RBFOX1: variants seen among roughly 807,000 people sequenced by gnomAD.
RBFOX1 encodes RNA binding fox-1 homolog 1.
A neutral mutation model predicts 57.7 loss-of-function variants in RBFOX1; 8 were observed. The observed-to-expected ratio is 0.14, with a 90% CI of 0.08 to 0.25. The LOEUF (loss-of-function observed/expected upper bound fraction) is 0.25, where lower values mean the gene tolerates loss of function less well. Ranked by LOEUF, RBFOX1 falls within the 10% of genes least tolerant of loss-of-function variation. RBFOX1 has a pLI of 1.00. For synonymous variants in RBFOX1, 326 were observed against 222.4 expected (o/e 1.47, Z -4.15); for missense variants, 611 against 548.5 (o/e 1.11, Z -1.14).
chr16:7,175,746 A>AT (rs1161132135), intron 4 of RBFOX1, among the ~76,000 whole-genome samples: 14 of 152,190 alleles, frequency 9.2e-5, no homozygotes, highest in Admixed American at 3.9e-4. Context: ...TATTTCTTTC[A>AT]TTTTTTTGAT....
At chr16:6,788,540 A>G (rs900560391) in intron 3 of RBFOX1, among the ~76,000 whole-genome samples, 14 of 151,554 alleles carry the variant, frequency 9.2e-5, no homozygotes, top group Non-Finnish European at 1.6e-4. Context: ...CAGTGGCGTG[A>G]TCTCGGCTCA....
chr16:6,629,076 A>G (rs1043429054), intron 2 of RBFOX1, among the ~76,000 whole-genome samples: 1 of 152,204 alleles, frequency 6.6e-6, no homozygotes, highest in Admixed American at 6.5e-5. Context: ...TGATTCCATG[A>G]ACAGTTTAAA....
At chr16:6,907,272 C>T (rs776886971) in intron 3 of RBFOX1, among the ~76,000 whole-genome samples, 1 of 152,142 alleles carries the variant, frequency 6.6e-6, no homozygotes, top group Non-Finnish European at 1.5e-5. Flanking sequence ...GTAGTGCTGA[C>T]AGTGAGAGTC....
chr16:6,737,459 A>G (rs969454946), intron 3 of RBFOX1, among the ~76,000 whole-genome samples: 3 of 152,198 alleles, frequency 2.0e-5, no homozygotes, highest in Admixed American at 6.5e-5. Flanking sequence ...GTTAAAAAGA[A>G]CAGACATGTT....
chr16:5,597,075 C>G (rs918490472), intron 2 of RBFOX1, among the ~76,000 whole-genome samples: 2 of 152,186 alleles, frequency 1.3e-5, no homozygotes, highest in Non-Finnish European at 2.9e-5. Flanking sequence ...AAACGATGTA[C>G]AGAAACAGAA....
At chr16:5,987,087 T>A (rs765093220) in intron 4 of RBFOX1, among the ~76,000 whole-genome samples, 7 of 152,224 alleles carry the variant, frequency 4.6e-5, no homozygotes, top group Non-Finnish European at 7.3e-5. Context: ...TGTAGTGATA[T>A]TGCCTTTTGA....
At chr16:6,676,156 A>ATG (rs1568166506) in intron 3 of RBFOX1, among the ~76,000 whole-genome samples, 5 of 151,124 alleles carry the variant, frequency 3.3e-5, no homozygotes, top group African/African-American at 1.2e-4. Context: ...ACACACACAC[A>ATG]CACACACACA....
intron 2 of RBFOX1, among the ~76,000 whole-genome samples, chr16:6,482,089 T>C (rs1471907688): frequency 6.6e-6 from 1 of 152,232 alleles, no homozygotes; most frequent in Non-Finnish European, 1.5e-5. Context: ...AATATTTGCT[T>C]ACCAATGCAT....
At chr16:7,692,818 T>A (rs971799371) in intron 14 of RBFOX1, among the ~76,000 whole-genome samples, 1 of 152,154 alleles carries the variant, frequency 6.6e-6, no homozygotes, top group Non-Finnish European at 1.5e-5. Flanking sequence ...AAGCTGGGTT[T>A]GATGAGGAAA....
chr16:7,332,897 T>C (rs1603623648), intron 4 of RBFOX1: 1 of 1,577,512 alleles, frequency 6.3e-7, no homozygotes, highest in Non-Finnish European at 8.6e-7. Flanking sequence ...CAGAAGGGAT[T>C]TGGCTCCCAG....
chr16:7,586,599 G>T (rs1332554552), intron 6 of RBFOX1, among the ~76,000 whole-genome samples: 1 of 152,166 alleles, frequency 6.6e-6, no homozygotes, highest in Non-Finnish European at 1.5e-5. Context: ...TTTATAATCT[G>T]AGTCTCTGTT....
chr16:7,060,805 G>T (rs1247451347), intron 4 of RBFOX1, among the ~76,000 whole-genome samples: 1 of 152,234 alleles, frequency 6.6e-6, no homozygotes, highest in Non-Finnish European at 1.5e-5. Flanking sequence ...AGAAAAGTCT[G>T]GTAAGTTCCC....
At chr16:5,419,020 G>A (rs1434937355) in intron 1 of RBFOX1, among the ~76,000 whole-genome samples, 2 of 152,276 alleles carry the variant, frequency 1.3e-5, no homozygotes, top group African/African-American at 4.8e-5. Flanking sequence ...AGAGCAAGGT[G>A]GGGAAGGTAC....
At chr16:5,889,756 T>A (rs148043540) in intron 4 of RBFOX1, among the ~76,000 whole-genome samples, 2,075 of 152,264 alleles carry the variant, frequency 0.014, 25 homozygotes, top group Non-Finnish European at 0.022. Flanking sequence ...GAAGGCCTCT[T>A]TGAGGAACTA....
chr16:7,066,310 C>T (rs2056015831), intron 4 of RBFOX1, among the ~76,000 whole-genome samples: 1 of 152,132 alleles, frequency 6.6e-6, no homozygotes. Flanking sequence ...TTGAGATTGC[C>T]TTAGCTCAAG....
At chr16:5,725,469 T>G (rs2052110891) in intron 3 of RBFOX1, among the ~76,000 whole-genome samples, 1 of 151,866 alleles carries the variant, frequency 6.6e-6, no homozygotes, top group Middle Eastern at 3.2e-3. Context: ...TTCTTTGTTT[T>G]CCAGTCTTGT....
chr16:5,450,407 C>T lies in RBFOX1; in HGVS notation c.220-16809C>T, dbSNP rs137946500. Among the ~76,000 whole-genome samples the T allele has an allele frequency of 4.4e-4, 67 of 152,248 alleles. No homozygotes were observed. The East Asian group carries it at 0.013, about 29-fold the overall frequency. On this transcript the variant is annotated intron_variant, in intron 1 of 2. Coordinates refer to the RBFOX1 transcript ENST00000585867. ...TTTCTTTGGCCTGGGCACATGCAGACCACAGGGAATTTGAGCCAGTGTGGA... is the reference window on the plus strand; with the variant it reads ...TTTCTTTGGCCTGGGCACATGCAGATCACAGGGAATTTGAGCCAGTGTGGA...
At chr16:5,725,372 T>G (rs2052103397) in intron 3 of RBFOX1, among the ~76,000 whole-genome samples, 1 of 152,114 alleles carries the variant, frequency 6.6e-6, no homozygotes, top group Admixed American at 6.5e-5. Flanking sequence ...GCTTCCTGAG[T>G]AACTGGAACT....
chr16:6,727,622 A>G (rs2067549813), intron 3 of RBFOX1, among the ~76,000 whole-genome samples: 1 of 152,060 alleles, frequency 6.6e-6, no homozygotes, highest in African/African-American at 2.4e-5. Flanking sequence ...TTCAGTATGA[A>G]TTTGGGATAG....
Sources: allele counts gnomAD v4.1 joint callset (sites outside exome capture counted in the v4.1 genomes callset), GRCh38; gene constraint gnomAD v4.1.1; transcripts MANE v1.5; gene names NCBI Gene and HGNC (gene_info 2026-07-23, HGNC 2026-07-21).